Variants in C5 observed in about 807,000 individuals in gnomAD.
C5 encodes C3 and PZP-like alpha-2-macroglobulin domain-containing protein 4.
Under a neutral mutation model 218.8 loss-of-function variants are expected in C5, and 140 were observed. That is an observed-to-expected ratio of 0.64 (90% CI 0.56 to 0.74). The LOEUF (loss-of-function observed/expected upper bound fraction) is 0.74. C5 is among the 30% of genes least tolerant of loss of function. C5 has a pLI of 0.00. For synonymous variants in C5, 614 were observed against 682.3 expected, an observed-to-expected ratio of 0.90 and a Z score of 1.56; for missense variants, 1,700 against 1,969.6, an observed-to-expected ratio of 0.86 and a Z score of 2.59.
chr9:121,002,214 A>G (rs1268261981), intron 20 of C5, among the ~76,000 whole-genome samples: 1 of 46,750 alleles, frequency 2.1e-5, no homozygotes, highest in Non-Finnish European at 4.7e-5. Context: ...ATGTATATAT[A>G]CGTATATATA....
At position 120,970,218 on chromosome 9, in the gene C5, C is replaced by T. The variant is rs1208086941; in HGVS notation, c.4114G>A (p.Glu1372Lys). The T allele has an allele frequency of 1.4e-5, 22 of 1,613,386 alleles. No individual in the cohort carries two copies. The East Asian group carries it at 4.9e-4, about 36-fold the overall frequency. Residue 1372 changes from glutamate to lysine, a missense_variant, in exon 32 of 41, where the codon GAG becomes AAG. Coordinates refer to ENST00000223642, the MANE Select transcript of C5 (RefSeq NM_001735.3). ...TTVVHKTSTS[E>K]EVCSFYLKID... ...TTCAAATAAAAGCTGCAAACTTCCT[C>T]AGAGGTACTGGTTTTGTGAACTACA...
Position 120,989,578 on chromosome 9 carries a change from T to A in C5, c.3144A>T (p.Lys1048Asn). ...PLIEKQKLKK[K>N]LKEGMLSIMS... ...ACTTTTTTTTTTTACCTTCTTTTAA[T>A]TTTTTCTTCAGTTTCTGCTTTTCAA... Residue 1048 changes from lysine (K) to asparagine (N), a missense_variant, in exon 24 of 41, where the codon AAA (lysine) becomes AAT (asparagine). Physicochemically the swap from Lys to Asn is moderately conservative, Grantham distance 94. Transcript: ENST00000223642. 2 of 1,601,538 alleles carry A rather than the reference T, an allele frequency of 1.2e-6. No individual in the cohort carries two copies. Among genetic ancestry groups the A allele is most frequent in the Non-Finnish European group, 1.7e-6 (2 of 1,171,482 alleles).
At chr9:121,026,094 G>A (rs1211906374) in intron 8 of C5, among the ~76,000 whole-genome samples, 8 of 152,068 alleles carry the variant, frequency 5.3e-5, no homozygotes, top group Non-Finnish European at 5.9e-5. Flanking sequence ...TTGAGGGCAG[G>A]CATTTTTGTC....
chr9:121,057,346 T>C, the C5 span, among the ~76,000 whole-genome samples: 2 of 152,194 alleles, frequency 1.3e-5, no homozygotes, highest in Non-Finnish European at 2.9e-5. Context: ...AATTGCAGTA[T>C]GTAAACCACT....
At chr9:121,066,660 C>G in the C5 span, among the ~76,000 whole-genome samples, 1 of 150,542 alleles carries the variant, frequency 6.6e-6, no homozygotes, top group Admixed American at 6.6e-5. Flanking sequence ...GACTGGCCAA[C>G]ATGATGAAAC....
At chr9:120,988,773 A>C (rs1320016445) in intron 25 of C5, among the ~76,000 whole-genome samples, 1 of 152,220 alleles carries the variant, frequency 6.6e-6, no homozygotes, top group African/African-American at 2.4e-5. Flanking sequence ...CTGAACCCAG[A>C]AGACTAAGGG....
intron 32 of C5, 129 bp downstream of exon 32, chr9:120,970,041 C>T (rs1299689313): frequency 4.3e-6 from 3 of 690,718 alleles, no homozygotes; most frequent in Non-Finnish European, 7.8e-6. Context: ...GGATGTCAAC[C>T]TGCTAAAGTA....
chr9:120,997,618 G>A lies in C5; in HGVS notation c.2719C>T (p.Leu907Phe), dbSNP rs772788429. 27 of 1,613,910 alleles carry A rather than the reference G, an allele frequency of 1.7e-5. No individual in the cohort carries two copies. In the East Asian group the frequency reaches 6.0e-4, roughly 36 times the overall value. Residue 907 changes from leucine to phenylalanine, a missense_variant, in exon 21 of 41, where the codon CTT (leucine) becomes TTT (phenylalanine). Physicochemically the swap from Leu to Phe is conservative, Grantham distance 22. Transcript: ENST00000223642. Reference sequence around the variant, plus strand: ...TCCAGTGAAAAATTGATGTTGTGAAGGCCAATTTCCAGAGGAAGCACAGTG... The same window carrying A: ...TCCAGTGAAAAATTGATGTTGTGAAAGCCAATTTCCAGAGGAAGCACAGTG... ...TFTVLPLEIG[L>F]HNINFSLETW... is the part of the protein sequence containing the mutation.
rs1432757048 is a variant in C5 at position 121,017,347 on chromosome 9, C to T, written c.1866+15G>A. 6.2e-7 allele frequency: 1 copy of T among 1,613,392 alleles called. No homozygotes were observed. The highest frequency in any genetic ancestry group is 1.7e-4 in the Middle Eastern group (1 of 6,058). Reference sequence around the variant, plus strand: ...CACTTCATGCAACACTGCAGCGAGACATGCATTACTTAACTCTTTCCAAGG... The same window carrying T: ...CACTTCATGCAACACTGCAGCGAGATATGCATTACTTAACTCTTTCCAAGG... On this transcript the variant is annotated intron_variant, in intron 14 of 40. Coordinates refer to ENST00000223642, the MANE Select transcript of C5 (RefSeq NM_001735.3).
At chr9:121,031,576 C>T (rs1259968498) in intron 6 of C5, among the ~76,000 whole-genome samples, 6 of 152,186 alleles carry the variant, frequency 3.9e-5, no homozygotes, top group Non-Finnish European at 7.4e-5. Context: ...CACAAGTACA[C>T]AGAGGTTGTT....
At chr9:121,010,832 T>C (rs1224165556) in intron 17 of C5, among the ~76,000 whole-genome samples, 2 of 152,102 alleles carry the variant, frequency 1.3e-5, no homozygotes, top group African/African-American at 4.8e-5. Context: ...CACACACCTA[T>C]AGTGAACGCA....
chr9:120,965,903 C>T (rs1190752597), intron 33 of C5, among the ~76,000 whole-genome samples: 2 of 152,168 alleles, frequency 1.3e-5, no homozygotes, highest in African/African-American at 2.4e-5. Flanking sequence ...TTCAAGAAGC[C>T]CTTTGCCTGC....
chr9:121,020,158 G>T lies in C5; in HGVS notation c.1324C>A (p.Leu442Ile). Residue 442 changes from leucine (L) to isoleucine (I), a missense_variant, in exon 12 of 41, where the codon CTT (leucine) becomes ATT (isoleucine). Physicochemically the swap from Leu to Ile is conservative, Grantham distance 5. Coordinates refer to ENST00000223642, the MANE Select transcript of C5 (RefSeq NM_001735.3). ...TCCCTGGCCTGATTTTCTTCTGGAA[G>T]ATCTGGAGCATCAGTTTTGACCTGA... ...EFNVKTDAPD[L>I]PEENQAREGY... 2 of 1,613,868 alleles carry T rather than the reference G, an allele frequency of 1.2e-6. No homozygotes were observed. The highest frequency in any genetic ancestry group is 1.7e-6 in the Non-Finnish European group (2 of 1,179,766).
chr9:120,962,641 C>T, intron 36 of C5, 30 bp downstream of exon 36: 1 of 1,457,046 alleles, frequency 6.9e-7, no homozygotes, highest in African/African-American at 1.4e-5. Flanking sequence ...AAGTATTCTT[C>T]TGAAGAAATG....
chr9:120,999,609 C>A (rs1305858265), intron 20 of C5: 1 of 214,062 alleles, frequency 4.7e-6, no homozygotes, highest in East Asian at 1.7e-4. Flanking sequence ...CTGAATCCAG[C>A]CAACTGCCTG....
intron 17 of C5, among the ~76,000 whole-genome samples, chr9:121,008,979 C>T (rs1477103015): frequency 6.6e-6 from 1 of 151,874 alleles, no homozygotes; most frequent in Non-Finnish European, 1.5e-5. Flanking sequence ...TAGGATTTTT[C>T]CACTAATAGC....
chr9:121,019,236 C>A (rs1274322110), intron 12 of C5, among the ~76,000 whole-genome samples: 1 of 152,004 alleles, frequency 6.6e-6, no homozygotes, highest in East Asian at 1.9e-4. Flanking sequence ...GTATCTAGTC[C>A]ATAAACAGTT....
chr9:120,989,832 A>T (rs371711456), intron 23 of C5, 52 bp from the exon 24 acceptor site: 1 of 1,396,110 alleles, frequency 7.2e-7, no homozygotes, highest in Non-Finnish European at 1.0e-6. Context: ...AACTTCTAAC[A>T]GTATGTTCTC....
intron 32 of C5, among the ~76,000 whole-genome samples, chr9:120,969,449 G>C (rs547411296): frequency 5.3e-5 from 8 of 152,304 alleles, no homozygotes; most frequent in Non-Finnish European, 1.2e-4. Context: ...GCTGGTAGTT[G>C]GGAAGTTTCC....
Sources: gnomAD v4.1 joint callset for allele counts (sites outside exome capture counted in the v4.1 genomes callset) on GRCh38, gnomAD v4.1.1 for gene constraint, MANE v1.5 for transcripts, NCBI Gene and HGNC (gene_info 2026-07-23, HGNC 2026-07-21) for gene names.